Variants in DNM1L observed in about 807,000 individuals in gnomAD.
The protein encoded by DNM1L is dynamin-1-like protein.
DNM1L carries 33 observed loss-of-function variants against 92.8 expected under a neutral mutation model. The observed-to-expected ratio is 0.36, with a 90% CI of 0.27 to 0.48. The LOEUF (loss-of-function observed/expected upper bound fraction) is 0.48. Ranked by LOEUF, DNM1L falls within the 20% of genes least tolerant of loss-of-function variation. The pLI, the probability that DNM1L is intolerant of heterozygous loss-of-function variation, is 0.99. For missense variants in DNM1L, 485 were observed against 888.8 expected (o/e 0.55, Z 5.78); for synonymous variants, 284 against 305.0 (o/e 0.93, Z 0.72).
rs1457496434 is a variant in DNM1L, at chr12:32,743,354, G to T, written c.2155G>T (p.Ala719Ser). 2.5e-6 allele frequency: 4 copies of T among 1,613,454 alleles called. No homozygotes were observed. Among genetic ancestry groups the T allele is most frequent in the Non-Finnish European group, 3.4e-6 (4 of 1,179,906 alleles). ...TAAAATTTTTTTTCCTTTAATGCAGGCATTACAAGGAGCCAGTCAAATTAT... is the reference window on the plus strand; with the variant it reads ...TAAAATTTTTTTTCCTTTAATGCAGTCATTACAAGGAGCCAGTCAAATTAT... Reference protein sequence around the residue: ...RRKEAADMLKALQGASQIIAE... With the variant: ...RRKEAADMLKSLQGASQIIAE... The change falls in exon 20 of 20, where the codon GCA (alanine) becomes TCA (serine). Residue 719 changes from alanine (A) to serine (S), a missense_variant and splice_region_variant. This residue lies in a region of DNM1L where 133 missense variants were observed against 210.9 expected (regional missense o/e 0.63). Transcript: ENST00000549701.
intron 1 of DNM1L, among the ~76,000 whole-genome samples, chr12:32,684,614 G>T (rs548750326): frequency 6.6e-6 from 1 of 152,268 alleles, no homozygotes; most frequent in African/African-American, 2.4e-5. Context: ...TTACAGGCGC[G>T]TGCTACCGCA....
chr12:32,732,571 C>A, intron 12 of DNM1L: 1 of 455,766 alleles, frequency 2.2e-6, no homozygotes, highest in South Asian at 1.6e-5. Flanking sequence ...ATGGTGAACC[C>A]CGTGGAGGTT....
intron 12 of DNM1L, chr12:32,733,404 G>A (rs981572315): frequency 1.4e-5 from 4 of 277,598 alleles, no homozygotes; most frequent in African/African-American, 2.3e-5. Context: ...TGCATAAAGT[G>A]TTGGAATTTA....
At chr12:32,713,803 C>CT (rs1474380179) in intron 6 of DNM1L, among the ~76,000 whole-genome samples, 4 of 152,068 alleles carry the variant, frequency 2.6e-5, no homozygotes, top group Non-Finnish European at 5.9e-5. Context: ...AACATAGACT[C>CT]TGTCTGTTAA....
chr12:32,705,810 T>G, intron 2 of DNM1L: 1 of 1,597,122 alleles, frequency 6.3e-7, no homozygotes, highest in Non-Finnish European at 8.5e-7. Flanking sequence ...CTGTGCTGTT[T>G]CTCTTTAACT....
At chr12:32,742,472 A>C (rs1487872217) in intron 18 of DNM1L, 117 bp from the exon 19 acceptor site, 19 of 1,275,778 alleles carry the variant, frequency 1.5e-5, no homozygotes, top group Non-Finnish European at 2.0e-5. Flanking sequence ...GCCATTAATG[A>C]AATATCCAAA....
At chr12:32,739,852 A>C in intron 16 of DNM1L, 3 of 591,762 alleles carry the variant, frequency 5.1e-6, no homozygotes, top group Non-Finnish European at 5.9e-6. Flanking sequence ...GATGCCTTGC[A>C]AACAACTTAG....
At chr12:32,723,711 A>C (rs1016422640) in intron 9 of DNM1L, among the ~76,000 whole-genome samples, 12 of 151,930 alleles carry the variant, frequency 7.9e-5, no homozygotes, top group Admixed American at 3.9e-4. Context: ...AAAAAAAAAA[A>C]AAACAGGGAT....
Position 32,731,175 on chromosome 12 carries a change from GT to G in DNM1L, c.1200+43del. The G allele has an allele frequency of 1.4e-5, 23 of 1,613,090 alleles. No individual in the cohort carries two copies. Among genetic ancestry groups the G allele is most frequent in the Non-Finnish European group, 1.9e-5 (23 of 1,179,554 alleles). On this transcript the variant is annotated intron_variant, in intron 10 of 19. Coordinates refer to ENST00000549701, the MANE Select transcript of DNM1L (RefSeq NM_012062.5). This position sits in a 1 kb window ranked among gnomAD's most constrained non-coding sequence, Gnocchi z 5.1. The stretch of plus-strand genomic sequence containing the variant: ...TTTTTAGACTGTAAAAAAAAATGAG[GT>G]TAAAGTTTTTCTTACCCATATACTG...
chr12:32,731,880 T>C lies in DNM1L; in HGVS notation c.1383T>C (p.His461=). 6.2e-7 allele frequency: 1 copy of C among 1,613,910 alleles called. No individual in the cohort carries two copies. The highest frequency in any genetic ancestry group is 2.2e-5 in the East Asian group (1 of 44,862). Reference sequence around the variant, plus strand: ...AATTGTTACGATTTCCTAAACTTCATGATGCCATAGTTGAAGTGGTGACTT... The same window carrying C: ...AATTGTTACGATTTCCTAAACTTCACGATGCCATAGTTGAAGTGGTGACTT... ...TQELLRFPKL[H]DAIVEVVTCL... Residue 461 remains histidine, a synonymous_variant, in exon 12 of 20, where the codon CAT becomes CAC. Coordinates refer to ENST00000549701, the MANE Select transcript of DNM1L (RefSeq NM_012062.5). This position sits in a 1 kb window ranked among gnomAD's most constrained non-coding sequence, Gnocchi z 5.1.
At chr12:32,729,100 T>G (rs1954361864) in intron 9 of DNM1L, 1 of 140,776 alleles carries the variant, frequency 7.1e-6, no homozygotes, top group African/African-American at 2.7e-5. Flanking sequence ...CCCCCTTTTT[T>G]TGAGACAGTC....
At chr12:32,691,231 C>G (rs749927342) in intron 1 of DNM1L, among the ~76,000 whole-genome samples, 1 of 151,928 alleles carries the variant, frequency 6.6e-6, no homozygotes, top group Admixed American at 6.6e-5. Context: ...GATTATGGGC[C>G]CAGCACCCCA....
At chr12:32,724,585 A>ATATAT (rs1953983477) in intron 9 of DNM1L, among the ~76,000 whole-genome samples, 4 of 68,826 alleles carry the variant, frequency 5.8e-5, no homozygotes, top group Non-Finnish European at 1.5e-4. Context: ...CCAAAAAAAA[A>ATATAT]AAAAAAAAAT....
rs781243898 is a variant in DNM1L at position 32,737,170 on chromosome 12, AT to A, written c.1596+10del. On this transcript the variant is annotated intron_variant, in intron 14 of 19. Transcript: ENST00000549701. ...CTGTATCACGAGACAAGGTAAAAAA[AT>A]GTTTTTAATGCATATTCCCAATACC... is the stretch of plus-strand genomic sequence containing the variant. The A allele has an allele frequency of 2.0e-5, 32 of 1,613,340 alleles. No individual in the cohort carries two copies. In the South Asian group the frequency reaches 3.2e-4, roughly 16 times the overall value.
chr12:32,694,440 A>C (rs769252884), intron 1 of DNM1L, among the ~76,000 whole-genome samples: 10 of 152,198 alleles, frequency 6.6e-5, no homozygotes, highest in Non-Finnish European at 1.3e-4. Context: ...TTTGTGACTG[A>C]CTAACTTTAA....
At chr12:32,739,555 C>A (rs1055159389) in intron 16 of DNM1L, among the ~76,000 whole-genome samples, 3 of 152,102 alleles carry the variant, frequency 2.0e-5, no homozygotes, top group Non-Finnish European at 4.4e-5. Flanking sequence ...CTTACTTATA[C>A]CTTATGGCAT....
intron 1 of DNM1L, chr12:32,680,082 C>CTA (rs1470357142): frequency 1.1e-6 from 1 of 879,308 alleles, no homozygotes; most frequent in Non-Finnish European, 1.4e-6. Context: ...AAACGTGTAT[C>CTA]TAGAGTTCTG....
At chr12:32,686,942 T>TTC (rs1555112669) in intron 1 of DNM1L, among the ~76,000 whole-genome samples, 126 of 142,456 alleles carry the variant, frequency 8.8e-4, no homozygotes, top group African/African-American at 3.2e-3. Context: ...TTTTTCTTTT[T>TTC]TTTTTTTTTT....
Position 32,713,301 on chromosome 12 carries a change from T to G in DNM1L, c.549T>G (p.Ala183=). 1 of 1,613,988 alleles carries G rather than the reference T, an allele frequency of 6.2e-7. No homozygotes were observed. Among genetic ancestry groups the G allele is most frequent in the Non-Finnish European group, 8.5e-7 (1 of 1,179,946 alleles). The change falls in exon 6 of 20, where the codon GCT becomes GCG. Residue 183 remains alanine, a synonymous_variant. Coordinates refer to ENST00000549701, the MANE Select transcript of DNM1L (RefSeq NM_012062.5). Reference sequence around the variant, plus strand: ...GTAATCCTAATTCCATTATCCTCGCTGTCACTGCTGCTAATACAGATATGG... The same window carrying G: ...GTAATCCTAATTCCATTATCCTCGCGGTCACTGCTGCTAATACAGATATGG... The part of the protein sequence containing the change: ...FISNPNSIIL[A]VTAANTDMAT...
Sources: allele counts gnomAD v4.1 joint callset (sites outside exome capture counted in the v4.1 genomes callset), GRCh38; gene constraint gnomAD v4.1.1; regional missense constraint gnomAD v4.1.1; non-coding constraint Gnocchi (gnomAD v3.1); transcripts MANE v1.5; gene names NCBI Gene and HGNC (gene_info 2026-07-23, HGNC 2026-07-21).